The following SAE1 variants were observed in gnomAD, a reference collection of about 807,000 sequenced individuals.
The protein encoded by SAE1 is SUMO1 activating enzyme subunit 1.
A neutral mutation model predicts 40.6 loss-of-function variants in SAE1; 11 were observed. The ratio of observed to expected loss-of-function variants is 0.27; its 90% confidence interval spans 0.17 to 0.45. The LOEUF (loss-of-function observed/expected upper bound fraction) is 0.45, where lower values mean the gene tolerates loss of function less well. Among genes scored for constraint, SAE1 ranks in the 20% least tolerant of loss-of-function variants. SAE1 has a pLI of 1.00. For synonymous variants in SAE1, 155 were observed against 154.3 expected, an observed-to-expected ratio of 1.00 and a Z score of -0.03; for missense variants, 373 against 427.3, an observed-to-expected ratio of 0.87 and a Z score of 1.12.
chr19:47,204,903 G>A (rs914207365), intron 8 of SAE1, among the ~76,000 whole-genome samples: 2 of 152,130 alleles, frequency 1.3e-5, no homozygotes, highest in Admixed American at 6.6e-5. Context: ...AGGATGACCC[G>A]TGACCCTGTT....
intron 6 of SAE1, among the ~76,000 whole-genome samples, chr19:47,184,752 A>C (rs559469283): frequency 2.9e-4 from 44 of 152,020 alleles, no homozygotes; most frequent in African/African-American, 1.0e-3. Context: ...CTCAGTCTGA[A>C]TGTAGGATAT....
chr19:47,138,570 A>G (rs945657876), intron 1 of SAE1, among the ~76,000 whole-genome samples: 5 of 152,242 alleles, frequency 3.3e-5, no homozygotes, highest in East Asian at 1.9e-4. Flanking sequence ...TGGTGTGTCT[A>G]TTAATTCACA....
intron 5 of SAE1, among the ~76,000 whole-genome samples, 192 bp from the exon 6 acceptor site, chr19:47,169,626 G>A (rs2058418113): frequency 6.6e-6 from 1 of 152,116 alleles, no homozygotes; most frequent in Admixed American, 6.6e-5. Context: ...AGTTTGTGTT[G>A]TCCATCCCCA....
intron 6 of SAE1, among the ~76,000 whole-genome samples, chr19:47,192,706 A>C (rs2058586901): frequency 6.6e-6 from 1 of 150,966 alleles, no homozygotes; most frequent in African/African-American, 2.4e-5. Flanking sequence ...CTTTCGGCTA[A>C]TTTTCCTATT....
chr19:47,156,835 A>G (rs574623554), intron 5 of SAE1, among the ~76,000 whole-genome samples: 8 of 152,250 alleles, frequency 5.3e-5, no homozygotes, highest in African/African-American at 1.9e-4. Flanking sequence ...AGGAGTGGAG[A>G]AGGGATCAGA....
intron 1 of SAE1, among the ~76,000 whole-genome samples, chr19:47,136,618 C>A (rs2058182138): frequency 6.6e-6 from 1 of 151,922 alleles, no homozygotes; most frequent in Non-Finnish European, 1.5e-5. Context: ...GGTTCAGCCT[C>A]CCAAGTAGCT....
intron 5 of SAE1, among the ~76,000 whole-genome samples, chr19:47,168,451 A>C (rs371022916): frequency 6.6e-6 from 1 of 151,626 alleles, no homozygotes; most frequent in Admixed American, 6.6e-5. Context: ...CCACAGGTGC[A>C]TGCCACTGCA....
chr19:47,191,028 A>T (rs1329080742), intron 6 of SAE1, among the ~76,000 whole-genome samples: 2 of 152,190 alleles, frequency 1.3e-5, no homozygotes. Context: ...CTGAAGCTAG[A>T]TTTGAGTTTA....
intron 6 of SAE1, among the ~76,000 whole-genome samples, chr19:47,184,756 A>G (rs116467952): frequency 0.015 from 2,308 of 152,056 alleles, 41 homozygotes; most frequent in African/African-American, 0.043. Flanking sequence ...GTCTGAATGT[A>G]GGATATGACA....
intron 7 of SAE1, among the ~76,000 whole-genome samples, chr19:47,197,665 C>G (rs2058624906): frequency 1.3e-5 from 2 of 152,150 alleles, no homozygotes; most frequent in Non-Finnish European, 2.9e-5. Flanking sequence ...TTTATGTGAT[C>G]TTGTTATCTC....
At chr19:47,164,392 C>A (rs1205952013) in intron 5 of SAE1, among the ~76,000 whole-genome samples, 1 of 152,076 alleles carries the variant, frequency 6.6e-6, no homozygotes, top group Non-Finnish European at 1.5e-5. Flanking sequence ...TGGTCTCCAT[C>A]TGCTGACCTC....
rs574304687 is a variant in SAE1, at chr19:47,154,941, G to C, written c.528-173G>C. On this transcript the variant is annotated intron_variant, in intron 4 of 8. Coordinates refer to ENST00000270225, the MANE Select transcript of SAE1 (RefSeq NM_005500.3). ...ACAATAATTTCCTGAGTGCCCAACA[G>C]TGTACCAGACTCATCATGTTATCAA... 1.2e-4 allele frequency among the ~76,000 whole-genome samples: 18 copies of C among 152,310 alleles called. No individual in the cohort carries two copies. In the South Asian group the frequency reaches 3.5e-3, roughly 30 times the overall value.
intron 2 of SAE1, among the ~76,000 whole-genome samples, chr19:47,148,475 G>A (rs759512709): frequency 6.6e-6 from 1 of 152,026 alleles, no homozygotes; most frequent in Non-Finnish European, 1.5e-5. Context: ...TTTGAGAGCA[G>A]TATGGAATCT....
chr19:47,160,849 T>C (rs931330655), intron 5 of SAE1, among the ~76,000 whole-genome samples: 1 of 152,140 alleles, frequency 6.6e-6, no homozygotes, highest in African/African-American at 2.4e-5. Context: ...ATTATTAATA[T>C]CAGAACTACT....
chr19:47,187,893 G>C (rs1200201715), intron 6 of SAE1, among the ~76,000 whole-genome samples: 3 of 152,126 alleles, frequency 2.0e-5, no homozygotes, highest in Non-Finnish European at 2.9e-5. Flanking sequence ...CTTCAAACAG[G>C]CTTCCTGTGT....
chr19:47,154,775 C>T (rs993677139), intron 4 of SAE1, among the ~76,000 whole-genome samples: 6 of 152,156 alleles, frequency 3.9e-5, no homozygotes, highest in African/African-American at 1.2e-4. Flanking sequence ...GGATTACAGG[C>T]GTGAGCCACT....
intron 6 of SAE1, among the ~76,000 whole-genome samples, chr19:47,180,851 TAGAG>T (rs1324571243): frequency 6.6e-6 from 1 of 152,038 alleles, no homozygotes; most frequent in Non-Finnish European, 1.5e-5. Context: ...ATGAATTACA[TAGAG>T]AGACATTGGA....
Position 47,209,424 on chromosome 19 carries a change from C to T in SAE1, c.*173C>T, listed in dbSNP as rs1234737165. 11 of 1,162,824 alleles carry T rather than the reference C, an allele frequency of 9.5e-6. No homozygotes were observed. In the African/African-American group the frequency reaches 1.7e-4, roughly 18 times the overall value. The allele number at this position is 1,162,824 out of a possible 1,614,324, so 72.0% of individuals were successfully genotyped here. A position where few individuals can be genotyped will look rare whatever the true frequency, so the allele number is the denominator to read the frequency against. On this transcript the variant is annotated 3_prime_UTR_variant, in exon 9 of 9. Transcript: ENST00000270225. The stretch of plus-strand genomic sequence containing the variant: ...CCGACGTGCTGCTTCCCATCACCAG[C>T]AGCTGCTCGACAAGGGGCGCAGGGT...
chr19:47,186,828 G>GTC lies in SAE1; in HGVS notation c.734-10403_734-10402dup, dbSNP rs138323329. Among the ~76,000 whole-genome samples, 724 of 152,256 alleles carry GTC rather than the reference G, an allele frequency of 4.8e-3. 10 individuals carry two copies. Among genetic ancestry groups the GTC allele is most frequent in the African/African-American group, 0.017 (709 of 41,526 alleles). On this transcript the variant is annotated intron_variant, in intron 6 of 8. Coordinates refer to ENST00000270225, the MANE Select transcript of SAE1 (RefSeq NM_005500.3). ...GCACAAAAAGGGGCATTTCAGAGTA[G>GTC]TCTTCATGGGCGGCCACTCCAGAGG...
Sources: gnomAD v4.1 joint callset for allele counts (sites outside exome capture counted in the v4.1 genomes callset) on GRCh38, gnomAD v4.1.1 for gene constraint, MANE v1.5 for transcripts, NCBI Gene and HGNC (gene_info 2026-07-23, HGNC 2026-07-21) for gene names.